The following NRXN3 variants were observed in gnomAD, a reference collection of about 807,000 sequenced individuals.
NRXN3 encodes the protein neurexin III.
Under a neutral mutation model 137.6 loss-of-function variants are expected in NRXN3, and 32 were observed. That is an observed-to-expected ratio of 0.23 (90% CI 0.18 to 0.31). NRXN3 has a LOEUF of 0.31. Among genes scored for constraint, NRXN3 ranks in the 10% least tolerant of loss-of-function variants. The pLI, the probability that NRXN3 is intolerant of heterozygous loss-of-function variation, is 1.00. For synonymous variants in NRXN3, 798 were observed against 784.5 expected (o/e 1.02, Z -0.29); for missense variants, 1,574 against 2,062.5 (o/e 0.76, Z 4.59).
intron 15 of NRXN3, among the ~76,000 whole-genome samples, chr14:79,341,783 C>CA (rs34524857): frequency 4.0e-5 from 6 of 151,282 alleles, no homozygotes; most frequent in Non-Finnish European, 7.4e-5. Context: ...TAGTTTGCCT[C>CA]AAAAAAAAGG....
At chr14:79,398,669 G>A (rs2095097432) in intron 15 of NRXN3, among the ~76,000 whole-genome samples, 1 of 152,070 alleles carries the variant, frequency 6.6e-6, no homozygotes, top group Admixed American at 6.6e-5. Flanking sequence ...AAGTAAAAGA[G>A]AAGCATCTGT....
intron 15 of NRXN3, among the ~76,000 whole-genome samples, chr14:79,343,929 A>G (rs1388128678): frequency 6.6e-6 from 1 of 152,000 alleles, no homozygotes; most frequent in Non-Finnish European, 1.5e-5. Flanking sequence ...GTGAGCCACC[A>G]TGCCCTGCCT....
At chr14:78,736,548 C>T (rs2098542074) in intron 8 of NRXN3, among the ~76,000 whole-genome samples, 1 of 152,152 alleles carries the variant, frequency 6.6e-6, no homozygotes, top group African/African-American at 2.4e-5. Context: ...ATCCTTATGC[C>T]ATAACCTGAT....
At chr14:79,608,988 A>C (rs966310067) in intron 16 of NRXN3, among the ~76,000 whole-genome samples, 2 of 152,232 alleles carry the variant, frequency 1.3e-5, no homozygotes, top group Non-Finnish European at 2.9e-5. Flanking sequence ...TATAATGTTT[A>C]TTGACTACAT....
intron 16 of NRXN3, among the ~76,000 whole-genome samples, chr14:79,661,144 T>C (rs892396975): frequency 6.6e-6 from 1 of 152,186 alleles, no homozygotes; most frequent in African/African-American, 2.4e-5. Flanking sequence ...ATGCATATTT[T>C]AAAGCTAGGT....
At chr14:79,666,151 C>A (rs2153989616) in intron 17 of NRXN3, among the ~76,000 whole-genome samples, 1 of 152,202 alleles carries the variant, frequency 6.6e-6, no homozygotes, top group East Asian at 1.9e-4. Flanking sequence ...TTATTTTTCT[C>A]CTCTGATGAT....
chr14:79,346,597 G>T (rs58573744), intron 15 of NRXN3, among the ~76,000 whole-genome samples: 76 of 152,248 alleles, frequency 5.0e-4, no homozygotes, highest in African/African-American at 1.8e-3. Flanking sequence ...TAAAATCTCA[G>T]ATCTTGTGTG....
intron 4 of NRXN3, among the ~76,000 whole-genome samples, chr14:78,580,079 T>A (rs968228463): frequency 9.9e-5 from 15 of 152,162 alleles, no homozygotes; most frequent in Non-Finnish European, 2.2e-4. Context: ...ATTGTTTTTA[T>A]CTTTATTAAC....
intron 16 of NRXN3, among the ~76,000 whole-genome samples, chr14:79,572,196 C>G (rs972241566): frequency 6.6e-6 from 1 of 152,094 alleles, no homozygotes; most frequent in African/African-American, 2.4e-5. Context: ...CACATATACA[C>G]ATGCACAACA....
At chr14:79,288,720 A>G (rs2082686059) in intron 15 of NRXN3, among the ~76,000 whole-genome samples, 1 of 152,218 alleles carries the variant, frequency 6.6e-6, no homozygotes, top group South Asian at 2.1e-4. Flanking sequence ...GGAATCAAGT[A>G]CACAGATTGA....
chr14:78,268,479 G>C (rs554825403), intron 2 of NRXN3, among the ~76,000 whole-genome samples: 1 of 152,144 alleles, frequency 6.6e-6, no homozygotes, highest in African/African-American at 2.4e-5. Flanking sequence ...ATGACCATCA[G>C]TTCCTTCCAT....
rs115390087 is a variant in NRXN3, at chr14:79,243,531, A to G, written c.3263-223690A>G. Among the ~76,000 whole-genome samples the G allele has an allele frequency of 3.2e-3, 486 of 152,306 alleles. 2 individuals carry two copies. The highest frequency in any genetic ancestry group is 0.011 in the African/African-American group (455 of 41,566). ...CCAGTGAAATCTGTACTATAGCCAC[A>G]TGTCTCATGATGATGGGGATACATT... On this transcript the variant is annotated intron_variant, in intron 15 of 20. Coordinates refer to ENST00000335750, the MANE Select transcript of NRXN3 (RefSeq NM_001330195.2).
chr14:78,853,416 G>A (rs2099048400), intron 10 of NRXN3, among the ~76,000 whole-genome samples: 1 of 152,144 alleles, frequency 6.6e-6, no homozygotes, highest in African/African-American at 2.4e-5. Context: ...GGGTACATGT[G>A]CAGGTTTGTT....
intron 15 of NRXN3, among the ~76,000 whole-genome samples, chr14:79,073,686 A>G (rs2099691359): frequency 6.6e-6 from 1 of 152,202 alleles, no homozygotes; most frequent in South Asian, 2.1e-4. Flanking sequence ...AATCTAAGTC[A>G]GAAATATATT....
At chr14:79,624,875 C>T (rs2098267097) in intron 16 of NRXN3, among the ~76,000 whole-genome samples, 1 of 150,586 alleles carries the variant, frequency 6.6e-6, no homozygotes, top group African/African-American at 2.5e-5. Context: ...ATGATTCCAG[C>T]TCACTGCAGC....
chr14:78,572,514 C>T (rs1223024984), intron 4 of NRXN3, among the ~76,000 whole-genome samples: 3 of 152,202 alleles, frequency 2.0e-5, no homozygotes, highest in Admixed American at 1.3e-4. Context: ...ACCAAACCTT[C>T]TCTTGGATCA....
Position 79,129,484 on chromosome 14 carries a change from G to A in NRXN3, c.3262+141343G>A, listed in dbSNP as rs1341573052. Among the ~76,000 whole-genome samples, 381 of 148,180 alleles carry A rather than the reference G, an allele frequency of 2.6e-3. 5 individuals carry two copies. The highest frequency in any genetic ancestry group is 0.011 in the South Asian group (49 of 4,556). The stretch of plus-strand genomic sequence containing the variant: ...TTGTTCAGTTTCCATGTAGTTGAGC[G>A]GTTTTGAGTGAGATTCTTAATCCTG... On this transcript the variant is annotated intron_variant, in intron 15 of 20. Coordinates refer to ENST00000335750, the MANE Select transcript of NRXN3 (RefSeq NM_001330195.2).
chr14:79,565,358 TACAC>T (rs1412308019), intron 16 of NRXN3, among the ~76,000 whole-genome samples: 7 of 149,406 alleles, frequency 4.7e-5, no homozygotes, highest in African/African-American at 7.3e-5. Context: ...CGTATATGTA[TACAC>T]ACACACATAT....
chr14:78,731,893 A>T (rs764768543), intron 8 of NRXN3, among the ~76,000 whole-genome samples: 10 of 41,830 alleles, frequency 2.4e-4, no homozygotes, highest in Non-Finnish European at 4.8e-4. Flanking sequence ...GTGATTTTTA[A>T]TGACTTCAAA....
Sources: allele counts gnomAD v4.1 joint callset (sites outside exome capture counted in the v4.1 genomes callset), GRCh38; gene constraint gnomAD v4.1.1; transcripts MANE v1.5; gene names NCBI Gene and HGNC (gene_info 2026-07-23, HGNC 2026-07-21).